GALNTL6: variants seen among roughly 807,000 people sequenced by gnomAD.
GALNTL6 encodes polypeptide N-acetylgalactosaminyltransferase like 6.
GALNTL6 carries 46 observed loss-of-function variants against 73.7 expected under a neutral mutation model. The observed-to-expected ratio is 0.62, with a 90% confidence interval of 0.49 to 0.80. The LOEUF is 0.80. Among genes scored for constraint, GALNTL6 ranks in the 30% least tolerant of loss-of-function variants. GALNTL6 has a pLI of 0.00. For missense variants in GALNTL6, 604 were observed against 755.0 expected, an observed-to-expected ratio of 0.80 and a Z score of 2.34; for synonymous variants, 259 against 263.7, an observed-to-expected ratio of 0.98 and a Z score of 0.17.
At chr4:172,870,422 C>A (rs770606651) in intron 7 of GALNTL6, among the ~76,000 whole-genome samples, 4 of 151,996 alleles carry the variant, frequency 2.6e-5, no homozygotes, top group African/African-American at 9.7e-5. Context: ...TTTTTGTTAC[C>A]GGTGAGTTTA....
chr4:172,919,364 C>T (rs148114089), intron 8 of GALNTL6, among the ~76,000 whole-genome samples: 1 of 152,278 alleles, frequency 6.6e-6, no homozygotes, highest in Non-Finnish European at 1.5e-5. Flanking sequence ...GGACTCCCCT[C>T]CTGCCCCTCA....
intron 5 of GALNTL6, among the ~76,000 whole-genome samples, chr4:172,764,022 G>A (rs899935439): frequency 4.0e-5 from 6 of 150,606 alleles, no homozygotes; most frequent in Non-Finnish European, 5.9e-5. Flanking sequence ...GCAATGGGGC[G>A]ATCTCAGCTC....
intron 5 of GALNTL6, among the ~76,000 whole-genome samples, chr4:172,772,236 A>T (rs941676748): frequency 2.0e-5 from 3 of 152,208 alleles, no homozygotes; most frequent in Admixed American, 2.0e-4. Flanking sequence ...TTGTGTGGGG[A>T]CATAGCCAAA....
intron 5 of GALNTL6, among the ~76,000 whole-genome samples, chr4:172,459,287 C>G (rs948868811): frequency 6.6e-6 from 1 of 152,158 alleles, no homozygotes; most frequent in Non-Finnish European, 1.5e-5. Context: ...GGAAGCATTC[C>G]CTTTGAAAAC....
At chr4:171,869,121 A>T (rs1412344861) in intron 2 of GALNTL6, among the ~76,000 whole-genome samples, 1 of 152,190 alleles carries the variant, frequency 6.6e-6, no homozygotes, top group Non-Finnish European at 1.5e-5. Flanking sequence ...TATAGCTAAA[A>T]GATTTCTTCA....
intron 3 of GALNTL6, among the ~76,000 whole-genome samples, chr4:172,233,494 C>A (rs1051673276): frequency 2.6e-5 from 4 of 152,052 alleles, no homozygotes; most frequent in African/African-American, 9.7e-5. Flanking sequence ...ATTCACTTAA[C>A]CAATTATTAT....
intron 5 of GALNTL6, among the ~76,000 whole-genome samples, chr4:172,442,483 C>A (rs1268120969): frequency 6.6e-6 from 1 of 152,078 alleles, no homozygotes; most frequent in Non-Finnish European, 1.5e-5. Context: ...TTAGACTATA[C>A]TTACGGAAAT....
At chr4:172,799,714 CA>C (rs1560960537) in intron 5 of GALNTL6, among the ~76,000 whole-genome samples, 1 of 152,126 alleles carries the variant, frequency 6.6e-6, no homozygotes, top group African/African-American at 2.4e-5. Context: ...AGTGGTTCCT[CA>C]AAAAATTAAC....
At chr4:171,908,376 G>C (rs1195330996) in intron 2 of GALNTL6, among the ~76,000 whole-genome samples, 1 of 152,040 alleles carries the variant, frequency 6.6e-6, no homozygotes, top group Admixed American at 6.6e-5. Flanking sequence ...CATTTATGCA[G>C]CCAAAAAACA....
intron 2 of GALNTL6, among the ~76,000 whole-genome samples, chr4:172,023,547 T>G (rs1166894417): frequency 6.6e-6 from 1 of 151,916 alleles, no homozygotes. Context: ...TTTTCTTATT[T>G]CAACTCTTTC....
intron 2 of GALNTL6, among the ~76,000 whole-genome samples, chr4:172,209,506 T>C (rs532045216): frequency 2.3e-4 from 35 of 151,686 alleles, no homozygotes; most frequent in Admixed American, 5.9e-4. Context: ...TACATACTTA[T>C]TCATTTTAAT....
At chr4:171,907,705 G>T (rs1053335645) in intron 2 of GALNTL6, among the ~76,000 whole-genome samples, 1 of 151,302 alleles carries the variant, frequency 6.6e-6, no homozygotes, top group African/African-American at 2.5e-5. Flanking sequence ...TAAGCCAAAA[G>T]AACAAAGCCA....
chr4:172,502,686 A>T (rs1734301992), intron 5 of GALNTL6, among the ~76,000 whole-genome samples: 2 of 152,218 alleles, frequency 1.3e-5, no homozygotes, highest in South Asian at 4.1e-4. Flanking sequence ...ATAAGGCAAA[A>T]ACTACCTTTA....
intron 8 of GALNTL6, among the ~76,000 whole-genome samples, chr4:172,916,120 A>T (rs934451418): frequency 6.6e-6 from 1 of 152,246 alleles, no homozygotes; most frequent in Non-Finnish European, 1.5e-5. Context: ...GTAATCCATC[A>T]TATAAACAGA....
intron 5 of GALNTL6, among the ~76,000 whole-genome samples, chr4:172,358,935 G>T (rs547470474): frequency 2.6e-4 from 39 of 150,568 alleles, no homozygotes; most frequent in Non-Finnish European, 4.7e-4. Context: ...TATTGGTAGG[G>T]GTGTAAATTA....
chr4:172,063,149 A>G (rs1412767170), intron 2 of GALNTL6, among the ~76,000 whole-genome samples: 2 of 152,180 alleles, frequency 1.3e-5, no homozygotes, highest in Non-Finnish European at 2.9e-5. Flanking sequence ...ACCCTTGGAA[A>G]GCTCTGCAGG....
At chr4:172,743,958 G>A (rs946788926) in intron 5 of GALNTL6, among the ~76,000 whole-genome samples, 1 of 152,066 alleles carries the variant, frequency 6.6e-6, no homozygotes, top group Non-Finnish European at 1.5e-5. Flanking sequence ...CTTTTAAGTG[G>A]CATTCATCTT....
chr4:172,017,931 G>A (rs1018856348), intron 2 of GALNTL6, among the ~76,000 whole-genome samples: 1 of 151,562 alleles, frequency 6.6e-6, no homozygotes, highest in African/African-American at 2.4e-5. Flanking sequence ...TGTAGACTCT[G>A]AAAATCATCA....
chr4:172,650,276 A>G (rs1347822549), intron 5 of GALNTL6, among the ~76,000 whole-genome samples: 1 of 152,210 alleles, frequency 6.6e-6, no homozygotes, highest in African/African-American at 2.4e-5. Context: ...CAGCGGTACC[A>G]TATTATTCAG....
Sources: gnomAD v4.1 joint callset for allele counts (sites outside exome capture counted in the v4.1 genomes callset) on GRCh38, gnomAD v4.1.1 for gene constraint, MANE v1.5 for transcripts, NCBI Gene and HGNC (gene_info 2026-07-23, HGNC 2026-07-21) for gene names.